IL1RAPL2: variants seen among roughly 807,000 people sequenced by gnomAD.
The protein encoded by IL1RAPL2 is interleukin 1 receptor accessory protein like 2.
IL1RAPL2 carries 3 observed loss-of-function variants against 44.1 expected under a neutral mutation model. That is an observed-to-expected ratio of 0.07 (90% CI 0.03 to 0.18). IL1RAPL2 has a LOEUF of 0.18. Ranked by LOEUF, IL1RAPL2 falls within the 10% of genes least tolerant of loss-of-function variation. The probability of loss-of-function intolerance (pLI) is 1.00; values close to 1 mark genes in which losing one functional copy is unlikely to be tolerated. For missense variants in IL1RAPL2, 391 were observed against 496.4 expected, an observed-to-expected ratio of 0.79 and a Z score of 2.02; for synonymous variants, 181 against 178.8, an observed-to-expected ratio of 1.01 and a Z score of -0.10.
chrX:105,355,275 AT>A (rs2035193170), intron 5 of IL1RAPL2, among the ~76,000 whole-genome samples: 1 of 111,099 alleles, frequency 9.0e-6, no homozygotes, highest in African/African-American at 3.3e-5. Flanking sequence ...CTACTTTTTA[AT>A]TTGCGTCCTT....
chrX:105,597,665 T>C (rs1197697278), intron 6 of IL1RAPL2, among the ~76,000 whole-genome samples: 6 of 111,113 alleles, frequency 5.4e-5, no homozygotes, highest in African/African-American at 2.0e-4. Flanking sequence ...CTAAACCATA[T>C]ATGAGAAATC....
At chrX:104,955,778 T>C (rs1392769060) in intron 2 of IL1RAPL2, among the ~76,000 whole-genome samples, 1 of 110,982 alleles carries the variant, frequency 9.0e-6, no homozygotes, top group Non-Finnish European at 1.9e-5. Context: ...AGAGTTAAAC[T>C]TGGATTCAAC....
chrX:105,315,078 T>A (rs997434165), intron 5 of IL1RAPL2, among the ~76,000 whole-genome samples: 1 of 111,876 alleles, frequency 8.9e-6, no homozygotes, highest in African/African-American at 3.2e-5. Flanking sequence ...AAAATGAGAA[T>A]TGGAATTTCA....
At chrX:105,099,451 T>C (rs1420080146) in intron 2 of IL1RAPL2, among the ~76,000 whole-genome samples, 2 of 82,350 alleles carry the variant, frequency 2.4e-5, no homozygotes, top group Non-Finnish European at 4.7e-5. Flanking sequence ...AGGTGCCACA[T>C]ACTTTTTTTT....
chrX:104,833,418 TATTTAA>T (rs1921662476), intron 2 of IL1RAPL2, among the ~76,000 whole-genome samples: 1 of 112,580 alleles, frequency 8.9e-6, no homozygotes. Flanking sequence ...AATCTTTTCA[TATTTAA>T]ATTATAATCA....
intron 2 of IL1RAPL2, among the ~76,000 whole-genome samples, chrX:104,930,275 T>C (rs1004116403): frequency 8.9e-5 from 10 of 112,267 alleles, no homozygotes; most frequent in Non-Finnish European, 1.9e-5. Flanking sequence ...TTTTATGGAA[T>C]TAATTTAATA....
intron 2 of IL1RAPL2, among the ~76,000 whole-genome samples, chrX:105,082,960 T>C (rs902072177): frequency 3.6e-5 from 4 of 111,208 alleles, no homozygotes; most frequent in Non-Finnish European, 5.7e-5. Context: ...GTTTGATGAA[T>C]TGACAGAAGT....
At chrX:105,678,634 T>C (rs1462569184) in intron 6 of IL1RAPL2, among the ~76,000 whole-genome samples, 1 of 110,753 alleles carries the variant, frequency 9.0e-6, no homozygotes, top group Non-Finnish European at 1.9e-5. Context: ...TGAAGTCTAT[T>C]GCCACTGATT....
At chrX:104,919,229 T>A (rs5963000) in intron 2 of IL1RAPL2, among the ~76,000 whole-genome samples, 1 of 103,404 alleles carries the variant, frequency 9.7e-6, no homozygotes, top group South Asian at 4.2e-4. Context: ...TCTTTCTTTT[T>A]TTTTTTTTTT....
At chrX:104,981,920 C>G (rs1392599410) in intron 2 of IL1RAPL2, among the ~76,000 whole-genome samples, 3 of 110,692 alleles carry the variant, frequency 2.7e-5, no homozygotes, top group African/African-American at 9.9e-5. Flanking sequence ...ACTTAAAAGG[C>G]AGAGCTAAAC....
At chrX:105,672,092 GT>G (rs1339301905) in intron 6 of IL1RAPL2, among the ~76,000 whole-genome samples, 1 of 111,233 alleles carries the variant, frequency 9.0e-6, no homozygotes, top group African/African-American at 3.3e-5. Context: ...GTTTGCTGGA[GT>G]TTTTTTATTA....
intron 2 of IL1RAPL2, among the ~76,000 whole-genome samples, chrX:105,024,273 T>C (rs1466664686): frequency 2.7e-5 from 3 of 111,729 alleles, no homozygotes; most frequent in African/African-American, 9.7e-5. Flanking sequence ...CATCATACAA[T>C]TTTGCTTTGA....
chrX:104,668,366 T>C (rs1044817078), intron 2 of IL1RAPL2, among the ~76,000 whole-genome samples: 2 of 107,810 alleles, frequency 1.9e-5, no homozygotes, highest in African/African-American at 6.7e-5. Flanking sequence ...AGGGTACATG[T>C]GCACAATGTG....
At chrX:104,875,444 G>A (rs1922877554) in intron 2 of IL1RAPL2, among the ~76,000 whole-genome samples, 1 of 111,546 alleles carries the variant, frequency 9.0e-6, no homozygotes, top group African/African-American at 3.3e-5. Context: ...ATATGAAAAA[G>A]AAACCATGTG....
At position 104,585,285 on chromosome X, in the gene IL1RAPL2, TA is replaced by T. The variant is rs1276636983; in HGVS notation, c.-20+18236del. Among the ~76,000 whole-genome samples the T allele has an allele frequency of 7.2e-3, 126 of 17,473 alleles. 4 individuals are homozygous for T. The highest frequency in any genetic ancestry group is 0.015 in the African/African-American group (29 of 1,942). 15.2% of individuals were successfully genotyped at this position (17,473 alleles called of 115,157 possible). A position where few individuals can be genotyped will look rare whatever the true frequency, so the allele number is the denominator to read the frequency against. On this transcript the variant is annotated intron_variant, in intron 1 of 10. Coordinates refer to ENST00000372582, the MANE Select transcript of IL1RAPL2 (RefSeq NM_017416.2). ...TATATAATATATTATATATATTATA[TA>T]ATATATTATATATTATATATTATAT...
intron 2 of IL1RAPL2, among the ~76,000 whole-genome samples, chrX:104,826,938 CTTTTTTTTT>C (rs1176113214): frequency 5.7e-5 from 2 of 34,850 alleles, no homozygotes; most frequent in African/African-American, 2.6e-4. Flanking sequence ...GCAACCCCTG[CTTTTTTTTT>C]TTTTTTTTTT....
chrX:105,334,449 A>G (rs2035012741), intron 5 of IL1RAPL2, among the ~76,000 whole-genome samples: 1 of 111,549 alleles, frequency 9.0e-6, no homozygotes, highest in African/African-American at 3.3e-5. Flanking sequence ...CTAGTATTTG[A>G]TAACACAACA....
intron 5 of IL1RAPL2, among the ~76,000 whole-genome samples, chrX:105,297,517 G>A (rs1569420086): frequency 9.0e-6 from 1 of 110,646 alleles, no homozygotes; most frequent in Non-Finnish European, 1.9e-5. Flanking sequence ...GCAGGGAGGC[G>A]AAGGGGAGGC....
intron 6 of IL1RAPL2, among the ~76,000 whole-genome samples, chrX:105,568,245 C>G (rs376483581): frequency 2.7e-5 from 3 of 111,656 alleles, no homozygotes; most frequent in East Asian, 5.7e-4. Context: ...AGTGGTGATA[C>G]TGCTCTTCTT....
Sources: gnomAD v4.1 joint callset for allele counts (sites outside exome capture counted in the v4.1 genomes callset) on GRCh38, gnomAD v4.1.1 for gene constraint, MANE v1.5 for transcripts, NCBI Gene and HGNC (gene_info 2026-07-23, HGNC 2026-07-21) for gene names.